CLSTN2: variants seen among roughly 807,000 people sequenced by gnomAD.
CLSTN2 encodes the protein calsyntenin-2.
Under a neutral mutation model 101.2 loss-of-function variants are expected in CLSTN2, and 48 were observed. The ratio of observed to expected loss-of-function variants is 0.47; its 90% CI spans 0.38 to 0.60. CLSTN2 has a LOEUF of 0.60. Among genes scored for constraint, CLSTN2 ranks in the 20% least tolerant of loss-of-function variants. The probability of loss-of-function intolerance (pLI) is 0.00; values close to 1 mark genes in which losing one functional copy is unlikely to be tolerated. For missense variants in CLSTN2, 1,160 were observed against 1,238.2 expected (o/e 0.94, Z 0.95); for synonymous variants, 481 against 463.6 (o/e 1.04, Z -0.48).
intron 2 of CLSTN2, among the ~76,000 whole-genome samples, chr3:140,287,392 A>T (rs2086905081): frequency 6.6e-6 from 1 of 152,148 alleles, no homozygotes; most frequent in Admixed American, 6.6e-5. Context: ...GGAAGGGTGG[A>T]TTGTACAGGG....
At chr3:140,342,898 C>T (rs887338312) in intron 2 of CLSTN2, among the ~76,000 whole-genome samples, 7 of 152,178 alleles carry the variant, frequency 4.6e-5, no homozygotes, top group African/African-American at 1.7e-4. Flanking sequence ...TACATGGTGT[C>T]TCAGGGCCCC....
chr3:140,215,771 G>A (rs1302335073), intron 2 of CLSTN2, among the ~76,000 whole-genome samples: 8 of 152,098 alleles, frequency 5.3e-5, no homozygotes, highest in South Asian at 2.1e-4. Context: ...CTTTCAAACC[G>A]CATTGTTATA....
At chr3:140,322,698 TCA>T (rs1233184396) in intron 2 of CLSTN2, among the ~76,000 whole-genome samples, 2 of 152,220 alleles carry the variant, frequency 1.3e-5, no homozygotes, top group East Asian at 3.8e-4. Flanking sequence ...TATTTTAGAC[TCA>T]CACAACAACT....
chr3:140,310,440 GA>G (rs1255056924), intron 2 of CLSTN2, among the ~76,000 whole-genome samples: 2 of 152,084 alleles, frequency 1.3e-5, no homozygotes, highest in African/African-American at 4.8e-5. Flanking sequence ...CCTTCTTCTG[GA>G]AAGGCACCAC....
intron 5 of CLSTN2, among the ~76,000 whole-genome samples, chr3:140,427,225 G>A (rs1396213179): frequency 0.15 from 10,107 of 65,492 alleles, 897 homozygotes; most frequent in African/African-American, 0.3. Flanking sequence ...ATATATATAT[G>A]TGTGTATATA....
At chr3:140,075,773 C>A (rs1232940037) in intron 1 of CLSTN2, among the ~76,000 whole-genome samples, 3 of 152,132 alleles carry the variant, frequency 2.0e-5, no homozygotes, top group African/African-American at 7.2e-5. Context: ...TCTACCTTCT[C>A]CGCATGGCAC....
intron 2 of CLSTN2, among the ~76,000 whole-genome samples, chr3:140,308,631 T>C (rs1193436600): frequency 6.6e-6 from 1 of 152,182 alleles, no homozygotes; most frequent in African/African-American, 2.4e-5. Flanking sequence ...AGAGAACTGG[T>C]GAATTTTTCA....
intron 1 of CLSTN2, among the ~76,000 whole-genome samples, chr3:140,016,571 C>T (rs528526416): frequency 2.6e-4 from 40 of 151,910 alleles, no homozygotes; most frequent in Non-Finnish European, 5.6e-4. Flanking sequence ...GAGGCCGAGG[C>T]GGGCGGATCA....
intron 2 of CLSTN2, among the ~76,000 whole-genome samples, chr3:140,337,463 G>C (rs763954471): frequency 3.3e-5 from 5 of 152,036 alleles, no homozygotes; most frequent in Admixed American, 6.6e-5. Context: ...AGTTATATTG[G>C]AATAGGGCCC....
At chr3:140,520,658 T>C (rs1232616734) in intron 8 of CLSTN2, among the ~76,000 whole-genome samples, 1 of 152,182 alleles carries the variant, frequency 6.6e-6, no homozygotes, top group African/African-American at 2.4e-5. Flanking sequence ...GTTGATCTCA[T>C]GGAGTATCAC....
At chr3:140,329,246 G>A (rs1430426147) in intron 2 of CLSTN2, among the ~76,000 whole-genome samples, 1 of 152,142 alleles carries the variant, frequency 6.6e-6, no homozygotes, top group Non-Finnish European at 1.5e-5. Flanking sequence ...AAAGTTAGCT[G>A]GGCATGGTGG....
intron 1 of CLSTN2, among the ~76,000 whole-genome samples, chr3:140,101,379 T>C (rs1021433150): frequency 3.9e-5 from 6 of 152,214 alleles, no homozygotes; most frequent in African/African-American, 1.2e-4. Context: ...ATTAAAATGT[T>C]TGTATGCATC....
At chr3:139,940,294 T>C (rs913064541) in intron 1 of CLSTN2, among the ~76,000 whole-genome samples, 1 of 152,212 alleles carries the variant, frequency 6.6e-6, no homozygotes, top group Non-Finnish European at 1.5e-5. Flanking sequence ...TTTGGGCATA[T>C]GGCCAGAAAA....
chr3:140,490,563 C>A (rs1934334014), intron 8 of CLSTN2, among the ~76,000 whole-genome samples: 1 of 148,782 alleles, frequency 6.7e-6, no homozygotes, highest in African/African-American at 2.5e-5. Flanking sequence ...CCACTGTACT[C>A]CATCCTGGGT....
At position 140,525,367 on chromosome 3, in the gene CLSTN2, C is replaced by T. The variant is rs115455930; in HGVS notation, c.1345-6957C>T. Among the ~76,000 whole-genome samples, 878 of 152,222 alleles carry T rather than the reference C, an allele frequency of 5.8e-3. 7 individuals carry two copies. Among genetic ancestry groups the T allele is most frequent in the African/African-American group, 0.019 (806 of 41,560 alleles). On this transcript the variant is annotated intron_variant, in intron 8 of 16. Coordinates refer to ENST00000458420, the MANE Select transcript of CLSTN2 (RefSeq NM_022131.3). ...GAGAAAGTGGATACATTCCTGGTAA[C>T]GCACAATCTCCCAAGATTGAACTAG...
chr3:140,178,758 C>T (rs941632011), intron 2 of CLSTN2, among the ~76,000 whole-genome samples: 2 of 152,192 alleles, frequency 1.3e-5, no homozygotes, highest in Non-Finnish European at 2.9e-5. Flanking sequence ...AGATCCCTAT[C>T]GTTCTCATAA....
intron 15 of CLSTN2, 62 bp from the exon 16 acceptor site, chr3:140,563,899 C>G (rs1935973255): frequency 1.3e-6 from 2 of 1,517,308 alleles, no homozygotes; most frequent in African/African-American, 1.4e-5. Flanking sequence ...CATTCATGCT[C>G]CCTCACAAGA....
chr3:140,441,358 G>A (rs543430963), intron 5 of CLSTN2, among the ~76,000 whole-genome samples: 21 of 152,188 alleles, frequency 1.4e-4, no homozygotes, highest in Non-Finnish European at 2.5e-4. Context: ...AGCAGGATTT[G>A]TGACAAGGAA....
At chr3:139,998,571 C>A (rs1193915155) in intron 1 of CLSTN2, among the ~76,000 whole-genome samples, 2 of 151,684 alleles carry the variant, frequency 1.3e-5, no homozygotes, top group Non-Finnish European at 2.9e-5. Flanking sequence ...GTCTCTATCT[C>A]CTGACCTCGT....
Sources: gnomAD v4.1 joint callset for allele counts (sites outside exome capture counted in the v4.1 genomes callset) on GRCh38, gnomAD v4.1.1 for gene constraint, MANE v1.5 for transcripts, NCBI Gene and HGNC (gene_info 2026-07-23, HGNC 2026-07-21) for gene names.